L3MBTL3: variants seen among roughly 807,000 people sequenced by gnomAD.
The protein encoded by L3MBTL3 is lethal(3)malignant brain tumor-like protein 3.
A neutral mutation model predicts 102.3 loss-of-function variants in L3MBTL3; 27 were observed. That is an observed-to-expected ratio of 0.26 (90% confidence interval 0.19 to 0.36). L3MBTL3 has a LOEUF of 0.36. Ranked by LOEUF, L3MBTL3 falls within the 10% of genes least tolerant of loss-of-function variation. The probability of loss-of-function intolerance (pLI) is 1.00; values close to 1 mark genes in which losing one functional copy is unlikely to be tolerated. For missense variants in L3MBTL3, 798 were observed against 955.3 expected (o/e 0.84, Z 2.17); for synonymous variants, 340 against 320.9 (o/e 1.06, Z -0.64).
chr6:130,082,866 A>G (rs143398058), intron 14 of L3MBTL3, among the ~76,000 whole-genome samples: 2 of 152,354 alleles, frequency 1.3e-5, no homozygotes, highest in African/African-American at 4.8e-5. Flanking sequence ...AATTTATGCC[A>G]TTAGTTCCAA....
At chr6:130,132,162 C>T (rs1266324292) in intron 20 of L3MBTL3, among the ~76,000 whole-genome samples, 7 of 152,132 alleles carry the variant, frequency 4.6e-5, no homozygotes, top group Non-Finnish European at 8.8e-5. Flanking sequence ...GTATTCACAG[C>T]CACAAAAACC....
At chr6:130,107,070 C>A (rs1199526538) in intron 19 of L3MBTL3, among the ~76,000 whole-genome samples, 1 of 152,156 alleles carries the variant, frequency 6.6e-6, no homozygotes, top group Non-Finnish European at 1.5e-5. Flanking sequence ...GGCCTGAGAT[C>A]AGCCAGGAGT....
chr6:130,044,183 C>A (rs935629070), intron 3 of L3MBTL3, among the ~76,000 whole-genome samples: 1 of 152,088 alleles, frequency 6.6e-6, no homozygotes, highest in East Asian at 1.9e-4. Flanking sequence ...CAAATTATTT[C>A]AATTGCCTAA....
At chr6:130,123,103 C>T (rs1319822832) in intron 20 of L3MBTL3, among the ~76,000 whole-genome samples, 1 of 152,150 alleles carries the variant, frequency 6.6e-6, no homozygotes, top group African/African-American at 2.4e-5. Context: ...GTTTATTTAA[C>T]TTTCCATTTT....
rs754630957 is a variant in L3MBTL3 at position 130,066,443 on chromosome 6, G to T, written c.955G>T (p.Val319Phe). Residue 319 changes from valine (V) to phenylalanine (F), a missense_variant, in exon 11 of 23, where the codon GTT becomes TTT. Coordinates refer to ENST00000361794, the MANE Select transcript of L3MBTL3 (RefSeq NM_032438.4). ...TGCAGACGCTCTGGATATCCACCCA[G>T]TTGGGTGGTGTGAGAAAACCGGCCA... is the stretch of plus-strand genomic sequence containing the variant. ...VNADALDIHP[V>F]GWCEKTGHKL... 9.9e-6 allele frequency: 16 copies of T among 1,610,472 alleles called. No individual in the cohort carries two copies. The South Asian group carries it at 1.7e-4, about 17-fold the overall frequency.
chr6:130,100,038 C>G (rs367549384), intron 18 of L3MBTL3, among the ~76,000 whole-genome samples: 1 of 152,100 alleles, frequency 6.6e-6, no homozygotes, highest in South Asian at 2.1e-4. Context: ...TACTATTCAC[C>G]CATATAGTAT....
rs35453246 is a variant in L3MBTL3, at chr6:130,094,172, C to CT, written c.1634-88dup. 6.6e-6 allele frequency: 6 copies of CT among 910,896 alleles called. No homozygotes were observed. The East Asian group carries it at 1.6e-4, about 24-fold the overall frequency. The allele number at this position is 910,896 out of a possible 1,614,324, so 56.4% of individuals were successfully genotyped here. ...TTAAAAAATTGGATTTTTAGGGAGT[C>CT]TTTTTCTTCCTTATTCTGATCCAGA... On this transcript the variant is annotated intron_variant, in intron 17 of 22. Coordinates refer to ENST00000361794, the MANE Select transcript of L3MBTL3 (RefSeq NM_032438.4).
At chr6:130,084,952 C>T (rs1371807990) in intron 15 of L3MBTL3, among the ~76,000 whole-genome samples, 1 of 152,122 alleles carries the variant, frequency 6.6e-6, no homozygotes, top group Admixed American at 6.5e-5. Flanking sequence ...ACCTCAGCTT[C>T]CTGAGTAGTT....
intron 18 of L3MBTL3, among the ~76,000 whole-genome samples, chr6:130,095,889 C>T (rs1370064791): frequency 1.3e-5 from 2 of 152,188 alleles, no homozygotes; most frequent in Non-Finnish European, 2.9e-5. Flanking sequence ...AGAGCCTGAT[C>T]ACCTCTGTAT....
intron 18 of L3MBTL3, among the ~76,000 whole-genome samples, chr6:130,099,931 C>G (rs1241591459): frequency 1.3e-5 from 2 of 152,176 alleles, no homozygotes; most frequent in African/African-American, 4.8e-5. Flanking sequence ...TCTATGAGTA[C>G]AGGCAGCAGG....
chr6:130,038,276 A>G (rs1342131914), intron 2 of L3MBTL3, among the ~76,000 whole-genome samples: 2 of 152,084 alleles, frequency 1.3e-5, no homozygotes, highest in Non-Finnish European at 2.9e-5. Flanking sequence ...TCCTTTGGAT[A>G]TGTACCCTGT....
At chr6:130,089,037 T>C (rs1439673819) in intron 16 of L3MBTL3, among the ~76,000 whole-genome samples, 1 of 152,116 alleles carries the variant, frequency 6.6e-6, no homozygotes, top group Non-Finnish European at 1.5e-5. Flanking sequence ...AGTCAAAAGC[T>C]CAAGTATATT....
In L3MBTL3 at chr6:130,133,838, G is replaced by A; in HGVS notation, c.2137-5G>A. 3.7e-6 allele frequency: 6 copies of A among 1,611,190 alleles called. No individual in the cohort carries two copies. Among genetic ancestry groups the A allele is most frequent in the Non-Finnish European group, 4.2e-6 (5 of 1,177,550 alleles). On this transcript the variant is annotated splice_polypyrimidine_tract_variant and splice_region_variant and intron_variant, in intron 21 of 22. Coordinates refer to ENST00000361794, the MANE Select transcript of L3MBTL3 (RefSeq NM_032438.4). This position sits in a 1 kb window ranked among gnomAD's most constrained non-coding sequence, Gnocchi z 4.9. ...AACTGGGAATTTTGATATTGCTTTT[G>A]ACAGGTGTCAGAATTTATACAGAGC... is the stretch of plus-strand genomic sequence containing the variant.
chr6:130,058,092 GAGATTGCGCCATTGC>G (rs1166321097), intron 9 of L3MBTL3, among the ~76,000 whole-genome samples: 7 of 144,318 alleles, frequency 4.9e-5, no homozygotes, highest in Admixed American at 2.1e-4. Context: ...GCAGTGAGCC[GAGATTGCGCCATTGC>G]AGTCCGCAGT....
intron 12 of L3MBTL3, among the ~76,000 whole-genome samples, chr6:130,069,113 G>T (rs1449557287): frequency 6.6e-6 from 1 of 152,170 alleles, no homozygotes; most frequent in East Asian, 1.9e-4. Flanking sequence ...GAATGGAAGA[G>T]ATTTAATTCG....
At chr6:130,048,351 T>C (rs1780853716) in intron 3 of L3MBTL3, among the ~76,000 whole-genome samples, 1 of 152,188 alleles carries the variant, frequency 6.6e-6, no homozygotes, top group Non-Finnish European at 1.5e-5. Flanking sequence ...TGTTATTCTG[T>C]TTTATGGAAA....
Position 130,071,072 on chromosome 6 carries a change from G to C in L3MBTL3, c.1189G>C (p.Val397Leu). 1 of 1,613,282 alleles carries C rather than the reference G, an allele frequency of 6.2e-7. No individual in the cohort carries two copies. Among genetic ancestry groups the C allele is most frequent in the Non-Finnish European group, 8.5e-7 (1 of 1,179,408 alleles). The stretch of plus-strand genomic sequence containing the variant: ...CTGTGTTGCTACGGTAACAGATATG[G>C]TGGACAATCGTTTCCTGGTACATTT... ...FICVATVTDM[V>L]DNRFLVHFDN... The change falls in exon 13 of 23, where the codon GTG becomes CTG. Residue 397 changes from valine (V) to leucine (L), a missense_variant. Transcript: ENST00000361794.
intron 18 of L3MBTL3, among the ~76,000 whole-genome samples, chr6:130,100,025 G>A (rs1784587255): frequency 6.6e-6 from 1 of 152,108 alleles, no homozygotes; most frequent in African/African-American, 2.4e-5. Flanking sequence ...CAATGTGCAA[G>A]GGTACTATTC....
At chr6:130,070,768 G>GTT in intron 12 of L3MBTL3, 1 of 311,336 alleles carries the variant, frequency 3.2e-6, no homozygotes, top group Admixed American at 5.1e-5. Flanking sequence ...AGCTAATTGG[G>GTT]TGTAACAGTA....
Sources: gnomAD v4.1 joint callset for allele counts (sites outside exome capture counted in the v4.1 genomes callset) on GRCh38, gnomAD v4.1.1 for gene constraint, Gnocchi (gnomAD v3.1) non-coding constraint, MANE v1.5 for transcripts, NCBI Gene and HGNC (gene_info 2026-07-23, HGNC 2026-07-21) for gene names.